Variants in DCK observed in about 807,000 individuals in gnomAD.
DCK encodes the protein deoxyadenosine kinase.
A neutral mutation model predicts 38.3 loss-of-function variants in DCK; 23 were observed. The observed-to-expected ratio is 0.60, with a 90% CI of 0.43 to 0.85. The LOEUF is 0.85. DCK is among the 40% of genes least tolerant of loss of function. The pLI, the probability that DCK is intolerant of heterozygous loss-of-function variation, is 0.00. For missense variants in DCK, 259 were observed against 304.4 expected (o/e 0.85, Z 1.11); for synonymous variants, 108 against 100.6 (o/e 1.07, Z -0.44).
At chr4:71,001,948 AG>A (rs1055399660) in intron 2 of DCK, among the ~76,000 whole-genome samples, 9 of 151,968 alleles carry the variant, frequency 5.9e-5, no homozygotes, top group South Asian at 4.2e-4. Flanking sequence ...TTTTTTGAAG[AG>A]TTTTTCGTGT....
At chr4:70,995,445 G>C (rs1021021885) in intron 1 of DCK, among the ~76,000 whole-genome samples, 2 of 152,138 alleles carry the variant, frequency 1.3e-5, no homozygotes, top group Admixed American at 1.3e-4. Context: ...AAAATTAGTT[G>C]CATGTGTTGG....
intron 2 of DCK, among the ~76,000 whole-genome samples, chr4:71,008,779 C>T (rs1221823053): frequency 6.6e-6 from 1 of 152,110 alleles, no homozygotes; most frequent in East Asian, 1.9e-4. Flanking sequence ...CATATAAAAC[C>T]AAAATGCCAA....
chr4:71,022,581 C>T (rs747688473), intron 3 of DCK, 21 bp downstream of exon 3: 5 of 1,335,176 alleles, frequency 3.7e-6, no homozygotes, highest in Admixed American at 2.9e-5. Flanking sequence ...ATGGCTTGTA[C>T]GTGGCCATTT....
intron 2 of DCK, among the ~76,000 whole-genome samples, chr4:71,016,080 CAA>C (rs1468102192): frequency 1.3e-5 from 2 of 152,322 alleles, no homozygotes; most frequent in South Asian, 2.1e-4. Context: ...GCAACTTCAG[CAA>C]AGTTTCAGGA....
rs1235669095 is a variant in DCK, at chr4:70,993,663, C to T, written c.-173C>T. On this transcript the variant is annotated 5_prime_UTR_variant, in exon 1 of 7. Coordinates refer to ENST00000286648, the MANE Select transcript of DCK (RefSeq NM_000788.3). Reference sequence around the variant, plus strand: ...GCAGGCCCGCCAGTGTCCTCAGCTGCCTCCGCGCGCCAAAGTCAAACCCCG... The same window carrying T: ...GCAGGCCCGCCAGTGTCCTCAGCTGTCTCCGCGCGCCAAAGTCAAACCCCG... The T allele has an allele frequency of 3.6e-6, 2 of 557,238 alleles. No individual in the cohort carries two copies. Among genetic ancestry groups the T allele is most frequent in the Non-Finnish European group, 6.3e-6 (2 of 316,160 alleles). The allele number at this position is 557,238 out of a possible 1,614,324, so 34.5% of individuals were successfully genotyped here. A position where few individuals can be genotyped will look rare whatever the true frequency, so the allele number is the denominator to read the frequency against.
At chr4:71,027,596 G>A (rs1459478299) in intron 6 of DCK, among the ~76,000 whole-genome samples, 1 of 152,068 alleles carries the variant, frequency 6.6e-6, no homozygotes, top group South Asian at 2.1e-4. Flanking sequence ...TTCTTTTGTG[G>A]CATAATGTCT....
intron 3 of DCK, 87 bp downstream of exon 3, chr4:71,022,647 T>C (rs1389636034): frequency 1.3e-6 from 1 of 748,016 alleles, no homozygotes; most frequent in East Asian, 3.0e-5. Context: ...TCCTGGGAAT[T>C]AGTAATAATG....
At chr4:71,006,725 T>C (rs968481985) in intron 2 of DCK, among the ~76,000 whole-genome samples, 1 of 152,126 alleles carries the variant, frequency 6.6e-6, no homozygotes, top group African/African-American at 2.4e-5. Flanking sequence ...GGAGGACTGC[T>C]TGAGCCCAAG....
intron 2 of DCK, among the ~76,000 whole-genome samples, chr4:71,010,512 T>A (rs1001132098): frequency 1.3e-5 from 2 of 150,732 alleles, no homozygotes; most frequent in Non-Finnish European, 3.0e-5. Flanking sequence ...TTGAGCTGAA[T>A]TCTTTTGGAG....
chr4:70,995,309 G>A (rs1214465951), intron 1 of DCK, among the ~76,000 whole-genome samples: 1 of 152,224 alleles, frequency 6.6e-6, no homozygotes, highest in Non-Finnish European at 1.5e-5. Flanking sequence ...ATTTGAGGCA[G>A]GGCATGGAGG....
intron 2 of DCK, among the ~76,000 whole-genome samples, chr4:71,017,643 G>A (rs1740304014): frequency 6.6e-6 from 1 of 151,930 alleles, no homozygotes; most frequent in Admixed American, 6.6e-5. Flanking sequence ...CATAGATGAA[G>A]CTGGAAACCA....
intron 6 of DCK, among the ~76,000 whole-genome samples, chr4:71,027,631 C>T (rs1169406022): frequency 2.0e-5 from 3 of 152,088 alleles, no homozygotes; most frequent in Admixed American, 1.3e-4. Flanking sequence ...ACTTGACATT[C>T]ATAAGGGATA....
In DCK at chr4:71,023,686, T is replaced by G. The variant is rs1362510852; in HGVS notation, c.529T>G (p.Tyr177Asp). 5.0e-6 allele frequency: 8 copies of G among 1,611,556 alleles called. No individual in the cohort carries two copies. Among genetic ancestry groups the G allele is most frequent in the Non-Finnish European group, 6.8e-6 (8 of 1,179,232 alleles). ...GQSLELDGII[Y>D]LQATPETCLH... ...AAGCCTTGAATTGGATGGAATCATT[T>G]ATCTTCAAGCCACTCCAGAGGTAAA... is the stretch of plus-strand genomic sequence containing the variant. The change falls in exon 4 of 7, where the codon TAT becomes GAT. Residue 177 changes from tyrosine to aspartate, a missense_variant. Physicochemically the swap from Tyr to Asp is radical, Grantham distance 160. This residue lies in a region of DCK where 82 missense variants were observed against 103.8 expected (regional missense o/e 0.79). Transcript: ENST00000286648.
At chr4:70,997,896 G>C (rs1301913301) in intron 1 of DCK, among the ~76,000 whole-genome samples, 171 bp from the exon 2 acceptor site, 1 of 152,212 alleles carries the variant, frequency 6.6e-6, no homozygotes, top group Non-Finnish European at 1.5e-5. Context: ...AAATTGGGCA[G>C]GGAGCCTTTT....
intron 2 of DCK, among the ~76,000 whole-genome samples, chr4:71,006,133 C>A (rs1578421087): frequency 6.7e-5 from 7 of 104,322 alleles, no homozygotes; most frequent in South Asian, 3.2e-4. Flanking sequence ...ACAAAAACAC[C>A]AAAAAAAAAA....
rs566429460 is a variant in DCK, at chr4:70,998,138, G to A, written c.163G>A (p.Val55Ile). ...AGATTGGGAAGTGGTTCCTGAACCT[G>A]TTGCCAGATGGTGCAATGTTCAAAG... is the stretch of plus-strand genomic sequence containing the variant. ...CEDWEVVPEP[V>I]ARWCNVQSTQ... The change falls in exon 2 of 7, where the codon GTT (valine) becomes ATT (isoleucine). Residue 55 changes from valine (V) to isoleucine (I), a missense_variant. Val to Ile is a conservative substitution (Grantham distance 29, BLOSUM62 3). Transcript: ENST00000286648. 5.0e-6 allele frequency: 8 copies of A among 1,607,724 alleles called. No individual in the cohort carries two copies. The highest frequency in any genetic ancestry group is 6.0e-6 in the Non-Finnish European group (7 of 1,175,764).
At chr4:71,016,271 A>G (rs1479766462) in intron 2 of DCK, among the ~76,000 whole-genome samples, 1 of 152,260 alleles carries the variant, frequency 6.6e-6, no homozygotes, top group African/African-American at 2.4e-5. Context: ...CCACTGCTCA[A>G]TGAAACAAAA....
intron 2 of DCK, among the ~76,000 whole-genome samples, chr4:70,998,603 G>C (rs1739711299): frequency 6.6e-6 from 1 of 152,098 alleles, no homozygotes; most frequent in African/African-American, 2.4e-5. Flanking sequence ...CAATTCTTGA[G>C]GTTACTGAGG....
intron 2 of DCK, among the ~76,000 whole-genome samples, chr4:71,021,139 A>G (rs912164929): frequency 6.7e-6 from 1 of 148,164 alleles, no homozygotes; most frequent in Non-Finnish European, 1.5e-5. Context: ...GCAGTGGCGC[A>G]ATCTCGGCTC....
Sources: gnomAD v4.1 joint callset for allele counts (sites outside exome capture counted in the v4.1 genomes callset) on GRCh38, gnomAD v4.1.1 for gene constraint, gnomAD v4.1.1 regional missense constraint, MANE v1.5 for transcripts, NCBI Gene and HGNC (gene_info 2026-07-23, HGNC 2026-07-21) for gene names.